The following SORCS1 variants were observed in gnomAD, a reference collection of about 807,000 sequenced individuals.
SORCS1 encodes sortilin related VPS10 domain containing receptor 1.
SORCS1 carries 60 observed loss-of-function variants against 146.1 expected under a neutral mutation model. The observed-to-expected ratio is 0.41, with a 90% CI of 0.33 to 0.51. The LOEUF is 0.51. SORCS1 is among the 20% of genes least tolerant of loss of function. The probability of loss-of-function intolerance (pLI) is 0.21; values close to 1 mark genes in which losing one functional copy is unlikely to be tolerated. For missense variants in SORCS1, 1,352 were observed against 1,487.6 expected (o/e 0.91, Z 1.50); for synonymous variants, 637 against 584.0 (o/e 1.09, Z -1.31).
At chr10:107,179,029 A>T in the SORCS1 span, among the ~76,000 whole-genome samples, 1 of 152,232 alleles carries the variant, frequency 6.6e-6, no homozygotes, top group African/African-American at 2.4e-5. Flanking sequence ...CATTTTCTGC[A>T]AAGTCTCTAT....
intron 1 of SORCS1, among the ~76,000 whole-genome samples, chr10:107,145,636 C>A (rs983780705): frequency 2.0e-5 from 3 of 152,118 alleles, no homozygotes; most frequent in African/African-American, 7.2e-5. Flanking sequence ...ATTAAAAATA[C>A]AAACAAGTTG....
chr10:106,737,278 A>G (rs1322212608), intron 5 of SORCS1, among the ~76,000 whole-genome samples: 2 of 152,174 alleles, frequency 1.3e-5, no homozygotes, highest in Non-Finnish European at 2.9e-5. Context: ...CCAGCCAAGA[A>G]GAAGCTTTCT....
In SORCS1 at chr10:107,056,582, T is replaced by C. The variant is rs564734702; in HGVS notation, c.559-100002A>G. 5.9e-5 allele frequency among the ~76,000 whole-genome samples: 9 copies of C among 152,356 alleles called. 2 individuals are homozygous for C. The highest frequency in any genetic ancestry group is 5.9e-4 in the Admixed American group (9 of 15,306). Reference sequence around the variant, plus strand: ...CAGAGGAAAACTATCTCTTATCATATAATTAGCACATAACCATCGATAGCT... The same window carrying C: ...CAGAGGAAAACTATCTCTTATCATACAATTAGCACATAACCATCGATAGCT... On this transcript the variant is annotated intron_variant, in intron 1 of 25. Transcript: ENST00000263054.
intron 21 of SORCS1, among the ~76,000 whole-genome samples, chr10:106,616,132 C>T (rs1475783612): frequency 1.3e-5 from 2 of 152,096 alleles, no homozygotes; most frequent in African/African-American, 4.8e-5. Flanking sequence ...CCAGTAATTC[C>T]CTATGTCTGG....
At chr10:106,752,933 A>T (rs1245365795) in intron 5 of SORCS1, among the ~76,000 whole-genome samples, 1 of 152,168 alleles carries the variant, frequency 6.6e-6, no homozygotes, top group African/African-American at 2.4e-5. Flanking sequence ...GCCTATTTTT[A>T]AAAAGCTGAT....
At chr10:107,122,929 G>A (rs1966490160) in intron 1 of SORCS1, among the ~76,000 whole-genome samples, 1 of 152,160 alleles carries the variant, frequency 6.6e-6, no homozygotes, top group African/African-American at 2.4e-5. Context: ...ATTTTGACAA[G>A]CCCCTTCTGT....
chr10:107,074,718 T>C (rs567280447), intron 1 of SORCS1, among the ~76,000 whole-genome samples: 86 of 152,290 alleles, frequency 5.6e-4, no homozygotes, highest in Middle Eastern at 3.4e-3. Context: ...GTGTTTTCAG[T>C]GTTCTCAATT....
chr10:106,810,189 C>G (rs1947388360), intron 3 of SORCS1, among the ~76,000 whole-genome samples: 1 of 152,042 alleles, frequency 6.6e-6, no homozygotes, highest in South Asian at 2.1e-4. Flanking sequence ...TCACTGCATT[C>G]CAGCCTGGGT....
intron 2 of SORCS1, among the ~76,000 whole-genome samples, chr10:106,864,315 G>A (rs559088181): frequency 6.6e-5 from 10 of 152,190 alleles, no homozygotes; most frequent in East Asian, 3.9e-4. Flanking sequence ...AACCTCCCCC[G>A]CCCAGGGAAG....
At position 106,689,962 on chromosome 10, in the gene SORCS1, T is replaced by C. The variant is rs576388532; in HGVS notation, c.1414-1624A>G. Among the ~76,000 whole-genome samples the C allele has an allele frequency of 8.5e-5, 13 of 152,290 alleles. No individual in the cohort carries two copies. In the East Asian group the frequency reaches 1.3e-3, roughly 16 times the overall value. ...ACAACAAGCATGTTAAACAACTAAATGGTATAAATGAGCTGCAGAGAGGAA... is the reference window on the plus strand; with the variant it reads ...ACAACAAGCATGTTAAACAACTAAACGGTATAAATGAGCTGCAGAGAGGAA... On this transcript the variant is annotated intron_variant, in intron 9 of 25. Transcript: ENST00000263054.
At chr10:107,045,127 A>T (rs185699260) in intron 1 of SORCS1, among the ~76,000 whole-genome samples, 2 of 152,284 alleles carry the variant, frequency 1.3e-5, no homozygotes, top group East Asian at 3.9e-4. Context: ...AAAGAGCTGG[A>T]CTTTATTCTG....
intron 1 of SORCS1, among the ~76,000 whole-genome samples, chr10:107,052,197 G>C (rs1423261174): frequency 6.6e-6 from 1 of 152,082 alleles, no homozygotes; most frequent in Non-Finnish European, 1.5e-5. Context: ...TCCCTGTGGA[G>C]GCCTGCTGGC....
chr10:106,987,333 G>C (rs574795845), intron 1 of SORCS1, among the ~76,000 whole-genome samples: 2 of 152,340 alleles, frequency 1.3e-5, no homozygotes, highest in Admixed American at 1.3e-4. Flanking sequence ...CCCCTGCAGT[G>C]ATCAGAAACT....
At chr10:107,017,768 G>T (rs995925935) in intron 1 of SORCS1, among the ~76,000 whole-genome samples, 1 of 152,176 alleles carries the variant, frequency 6.6e-6, no homozygotes, top group Non-Finnish European at 1.5e-5. Context: ...CGATTCTCCT[G>T]CCTCAGCCTC....
chr10:106,693,361 A>G (rs1853443586), intron 9 of SORCS1, among the ~76,000 whole-genome samples: 1 of 152,032 alleles, frequency 6.6e-6, no homozygotes, highest in Admixed American at 6.5e-5. Flanking sequence ...CTGGACTCCA[A>G]GTCAGTCTGT....
intron 2 of SORCS1, among the ~76,000 whole-genome samples, chr10:106,921,901 T>C (rs1384923508): frequency 1.3e-5 from 2 of 152,212 alleles, no homozygotes; most frequent in Non-Finnish European, 2.9e-5. Context: ...TCTGACCTCA[T>C]ATAATTCACG....
At chr10:106,990,983 C>G (rs1480032156) in intron 1 of SORCS1, among the ~76,000 whole-genome samples, 1 of 152,140 alleles carries the variant, frequency 6.6e-6, no homozygotes, top group Non-Finnish European at 1.5e-5. Context: ...ACCTTCATGC[C>G]TAGCCATTGG....
chr10:106,835,626 T>A (rs537577788), intron 2 of SORCS1, among the ~76,000 whole-genome samples: 1 of 152,340 alleles, frequency 6.6e-6, no homozygotes, highest in East Asian at 1.9e-4. Flanking sequence ...TGGTAAGAAC[T>A]GGAATATAAG....
At chr10:106,907,755 T>C (rs942084271) in intron 2 of SORCS1, among the ~76,000 whole-genome samples, 4 of 152,106 alleles carry the variant, frequency 2.6e-5, no homozygotes, top group African/African-American at 7.2e-5. Context: ...GGAGAAAATC[T>C]GTCTCTACCA....
Sources: gnomAD v4.1 joint callset for allele counts (sites outside exome capture counted in the v4.1 genomes callset) on GRCh38, gnomAD v4.1.1 for gene constraint, MANE v1.5 for transcripts, NCBI Gene and HGNC (gene_info 2026-07-23, HGNC 2026-07-21) for gene names.